Variants in CLBA1 observed in about 807,000 individuals in gnomAD.
CLBA1 encodes uncharacterized protein CLBA1.
Under a neutral mutation model 28.8 loss-of-function variants are expected in CLBA1, and 30 were observed. The observed-to-expected ratio is 1.04, with a 90% CI of 0.78 to 1.41. The LOEUF (loss-of-function observed/expected upper bound fraction) is 1.41, where lower values mean the gene tolerates loss of function less well. Among genes scored for constraint, CLBA1 ranks in the 40% most tolerant of loss-of-function variants. The pLI is 0.00. For missense variants in CLBA1, 451 were observed against 412.3 expected (o/e 1.09, Z -0.81); for synonymous variants, 160 against 152.8 (o/e 1.05, Z -0.35).
chr14:104,987,355 G>T (rs1899892790), intron 1 of CLBA1, among the ~76,000 whole-genome samples: 1 of 152,184 alleles, frequency 6.6e-6, no homozygotes, highest in Non-Finnish European at 1.5e-5. Flanking sequence ...ACCTGTCCGG[G>T]AGCCAGGGTC....
intron 2 of CLBA1, 162 bp downstream of exon 2, chr14:104,989,250 G>T: frequency 1.5e-6 from 1 of 659,972 alleles, no homozygotes; most frequent in East Asian, 2.8e-5. Context: ...GGGGCAGCAC[G>T]ATTGGCGCTC....
chr14:104,986,457 G>A lies in CLBA1; in HGVS notation c.26G>A (p.Gly9Glu), dbSNP rs192585482. The A allele has an allele frequency of 6.8e-6, 11 of 1,612,988 alleles. No individual in the cohort carries two copies. In the East Asian group the frequency reaches 2.2e-4, roughly 33 times the overall value. The change falls in exon 1 of 5, where the codon GGA (glycine) becomes GAA (glutamate). Residue 9 changes from glycine (G) to glutamate (E), a missense_variant. Transcript: ENST00000547315. Reference protein sequence around the residue: MQGRRELGGEPLSDLQEEA... With the variant: MQGRRELGEEPLSDLQEEA... Reference sequence around the variant, plus strand: ...ATGCAAGGCCGGCGGGAGCTGGGGGGAGAGCCTTTGAGTGACCTCCAGGAG... The same window carrying A: ...ATGCAAGGCCGGCGGGAGCTGGGGGAAGAGCCTTTGAGTGACCTCCAGGAG...
chr14:104,998,101 G>A (rs938144787), downstream of CLBA1, among the ~76,000 whole-genome samples: 9 of 151,960 alleles, frequency 5.9e-5, no homozygotes, highest in Non-Finnish European at 1.2e-4. Flanking sequence ...GTTATCTGAA[G>A]AGGAAAAAAT....
At chr14:104,988,101 TA>T (rs1899918537) in intron 1 of CLBA1, among the ~76,000 whole-genome samples, 1 of 152,106 alleles carries the variant, frequency 6.6e-6, no homozygotes, top group Non-Finnish European at 1.5e-5. Context: ...AAAGAGTAGA[TA>T]AATGCAGAAA....
chr14:104,992,060 GCCGCCACGCACACC>G (rs1220517513), intron 3 of CLBA1, among the ~76,000 whole-genome samples: 13 of 112,696 alleles, frequency 1.2e-4, no homozygotes, highest in South Asian at 3.0e-4. Context: ...CCACGCACAC[GCCGCCACGCACACC>G]CCGCCACGCA....
At chr14:105,001,067 T>TAAAAA (rs71454491) in intron 2 of CLBA1, among the ~76,000 whole-genome samples, 2 of 126,304 alleles carry the variant, frequency 1.6e-5, no homozygotes. Flanking sequence ...TATTCAGCTG[T>TAAAAA]AAAAAAAAAA....
chr14:104,988,769 T>G (rs1350870900), intron 1 of CLBA1, among the ~76,000 whole-genome samples, 174 bp from the exon 2 acceptor site: 1 of 152,252 alleles, frequency 6.6e-6, no homozygotes, highest in Non-Finnish European at 1.5e-5. Flanking sequence ...CCTCTGGTTT[T>G]GTGTGATTTT....
chr14:104,998,929 G>C (rs1202715657), downstream of CLBA1, among the ~76,000 whole-genome samples: 2 of 152,248 alleles, frequency 1.3e-5, no homozygotes, highest in Non-Finnish European at 2.9e-5. Context: ...CCAGACCCAA[G>C]AGGGAAGCCC....
chr14:104,993,084 A>G lies in CLBA1; in HGVS notation c.816+20A>G. 6.2e-7 allele frequency: 1 copy of G among 1,607,494 alleles called. No homozygotes were observed. On this transcript the variant is annotated intron_variant, in intron 4 of 4. Coordinates refer to ENST00000547315, the MANE Select transcript of CLBA1 (RefSeq NM_174891.4). ...ACCAAGGTGAGTGGTCACCAAGGAGAGGCCTCAGGGAACCGCGCTGGCGGT... is the reference window on the plus strand; with the variant it reads ...ACCAAGGTGAGTGGTCACCAAGGAGGGGCCTCAGGGAACCGCGCTGGCGGT...
chr14:104,991,289 G>A, intron 2 of CLBA1: 1 of 467,194 alleles, frequency 2.1e-6, no homozygotes, highest in Non-Finnish European at 3.8e-6. Context: ...CTCCCAAAGT[G>A]CTGGGATTAC....
Position 104,985,790 on chromosome 14 carries a change from G to C in CLBA1, c.-642G>C, listed in dbSNP as rs1899833787. 3.7e-6 allele frequency: 1 copy of C among 267,308 alleles called. No homozygotes were observed. The highest frequency in any genetic ancestry group is 2.5e-5 in the South Asian group (1 of 39,376). 16.6% of individuals were successfully genotyped at this position (267,308 alleles called of 1,614,324 possible). On this transcript the variant is annotated 5_prime_UTR_variant, in exon 1 of 5. Transcript: ENST00000547315. ...CGGAGCTGGCGCACGCCGTTGCCAG[G>C]CAACGGGGCGGCGCAGGCAGGAGGG...
intron 1 of CLBA1, 95 bp downstream of exon 1, chr14:104,986,949 G>C: frequency 7.0e-7 from 1 of 1,420,078 alleles, no homozygotes; most frequent in Non-Finnish European, 9.6e-7. Context: ...TGGCCAGGGA[G>C]GGGGCTGACA....
At chr14:104,994,240 T>G (rs1595445646) in intron 4 of CLBA1, 1 of 985,418 alleles carries the variant, frequency 1.0e-6, no homozygotes, top group Non-Finnish European at 1.2e-6. Context: ...GGGAAGTCTG[T>G]GGTGTAGTCC....
chr14:104,988,993 A>C lies in CLBA1; in HGVS notation c.474A>C (p.Thr158=), dbSNP rs775776284. ...TAAAGTGTGCTTTTCAAGAAATAAC[A>C]GTCCAGCAGGCAGCTGAAGACGTTT... ...NILKCAFQEI[T]VQQAAEDVST... Residue 158 remains threonine (T), a synonymous_variant, in exon 2 of 5, where the codon ACA becomes ACC. Transcript: ENST00000547315. 5 of 1,613,024 alleles carry C rather than the reference A, an allele frequency of 3.1e-6. No individual in the cohort carries two copies. In the South Asian group the frequency reaches 4.4e-5, roughly 14 times the overall value.
chr14:104,991,047 C>CAGAGT, intron 2 of CLBA1: 1 of 162,996 alleles, frequency 6.1e-6, no homozygotes, highest in South Asian at 1.5e-4. Context: ...TTGTTTGAGA[C>CAGAGT]AGAGTCTCAC....
chr14:104,997,613 G>A (rs905388286), downstream of CLBA1, among the ~76,000 whole-genome samples: 4 of 152,216 alleles, frequency 2.6e-5, no homozygotes, highest in South Asian at 2.1e-4. Context: ...GAGAAGCAAC[G>A]ATAGGAACAA....
chr14:104,988,377 G>A (rs2140894534), intron 1 of CLBA1, among the ~76,000 whole-genome samples: 1 of 144,470 alleles, frequency 6.9e-6, no homozygotes, highest in Admixed American at 7.1e-5. Flanking sequence ...CTGTCACCCA[G>A]GCTGGAGTGC....
chr14:104,993,146 G>C, intron 4 of CLBA1, 82 bp downstream of exon 4: 1 of 1,545,200 alleles, frequency 6.5e-7, no homozygotes, highest in South Asian at 1.2e-5. Flanking sequence ...TCTCTGATGT[G>C]AGTCAGTTGC....
Position 104,994,920 on chromosome 14 carries a change from T to C in CLBA1, c.*161T>C. On this transcript the variant is annotated 3_prime_UTR_variant, in exon 5 of 5. Transcript: ENST00000547315. The stretch of plus-strand genomic sequence containing the variant: ...TCCTGTGTTCTGGGCTTGTCTCGGG[T>C]CTGACCAGGAGATGGAGGATGTGTC... 4.4e-6 allele frequency: 6 copies of C among 1,369,766 alleles called. No homozygotes were observed. The highest frequency in any genetic ancestry group is 4.7e-6 in the Non-Finnish European group (5 of 1,064,646). The allele number at this position is 1,369,766 out of a possible 1,614,324, so 84.9% of individuals were successfully genotyped here. A position where few individuals can be genotyped will look rare whatever the true frequency, so the allele number is the denominator to read the frequency against.
Sources: allele counts gnomAD v4.1 joint callset (sites outside exome capture counted in the v4.1 genomes callset), GRCh38; gene constraint gnomAD v4.1.1; transcripts MANE v1.5; gene names NCBI Gene and HGNC (gene_info 2026-07-23, HGNC 2026-07-21).